The following CRY1 variants were observed in gnomAD, a reference collection of about 807,000 sequenced individuals.
CRY1 encodes the protein cryptochrome-1.
A neutral mutation model predicts 76.0 loss-of-function variants in CRY1; 45 were observed. The ratio of observed to expected loss-of-function variants is 0.59; its 90% confidence interval spans 0.47 to 0.76. CRY1 has a LOEUF of 0.76. CRY1 is among the 30% of genes least tolerant of loss of function. The pLI is 0.00. For synonymous variants in CRY1, 248 were observed against 244.0 expected (o/e 1.02, Z -0.15); for missense variants, 587 against 716.4 (o/e 0.82, Z 2.06).
intron 2 of CRY1, among the ~76,000 whole-genome samples, chr12:107,019,668 T>A (rs1455637681): frequency 6.6e-6 from 1 of 152,148 alleles, no homozygotes; most frequent in Non-Finnish European, 1.5e-5. Context: ...CTACAGCTTA[T>A]GCCTGTAATC....
intron 1 of CRY1, among the ~76,000 whole-genome samples, chr12:107,049,585 C>T (rs1952893335): frequency 6.6e-6 from 1 of 152,100 alleles, no homozygotes; most frequent in Admixed American, 6.6e-5. Context: ...ACCATGTTGG[C>T]CAGCCTGGTC....
chr12:106,998,141 A>G, intron 7 of CRY1, 75 bp from the exon 8 acceptor site: 1 of 1,537,542 alleles, frequency 6.5e-7, no homozygotes, highest in Non-Finnish European at 8.8e-7. Flanking sequence ...GTCACAGTAG[A>G]GCCAAAGTCA....
In CRY1 at chr12:107,058,716, C is replaced by A. The variant is rs141995831; in HGVS notation, c.158+34088G>T. On this transcript the variant is annotated intron_variant, in intron 1 of 12. Coordinates refer to ENST00000008527, the MANE Select transcript of CRY1 (RefSeq NM_004075.5). ...ATGGCAAAGTAAATGATGCTTTTTG[C>A]GAAGACAGAAAATTCTGAATGTTGA... 2.9e-3 allele frequency among the ~76,000 whole-genome samples: 447 copies of A among 152,076 alleles called. 2 individuals are homozygous for A. The highest frequency in any genetic ancestry group is 6.8e-3 in the Middle Eastern group (2 of 294).
At chr12:107,007,515 G>A (rs1191169732) in intron 2 of CRY1, among the ~76,000 whole-genome samples, 2 of 151,734 alleles carry the variant, frequency 1.3e-5, no homozygotes, top group Non-Finnish European at 2.9e-5. Flanking sequence ...ATGAATGACA[G>A]GAACTCTTTT....
In CRY1 at chr12:107,022,161, C is replaced by T. The variant is rs747384061; in HGVS notation, c.190G>A (p.Ala64Thr). 1.2e-6 allele frequency: 2 copies of T among 1,601,602 alleles called. No homozygotes were observed. Among genetic ancestry groups the T allele is most frequent in the Non-Finnish European group, 1.7e-6 (2 of 1,173,570 alleles). The change falls in exon 2 of 13, where the codon GCC (alanine) becomes ACC (threonine). Residue 64 changes from alanine to threonine, a missense_variant. Physicochemically the swap from Ala to Thr is moderately conservative, Grantham distance 58. Coordinates refer to ENST00000008527, the MANE Select transcript of CRY1 (RefSeq NM_004075.5). ...CGGGAGTTTAATTTTCGTAGATTGG[C>T]ATCAAGATCCTCAAGACACTGAAGC... The part of the protein sequence containing the change: ...FLLQCLEDLD[A>T]NLRKLNSRLF...
At chr12:107,038,957 C>T (rs1952767092) in intron 1 of CRY1, among the ~76,000 whole-genome samples, 1 of 152,094 alleles carries the variant, frequency 6.6e-6, no homozygotes, top group African/African-American at 2.4e-5. Context: ...AGACTAGCAT[C>T]TGTATCATTC....
rs563468930 is a variant in CRY1 at position 107,071,451 on chromosome 12, A to G, written c.158+21353T>C. On this transcript the variant is annotated intron_variant, in intron 1 of 12. Transcript: ENST00000008527. Reference sequence around the variant, plus strand: ...TGAATGTAGGATATACATTTAAAATATGCTTCTGTATCCTATTTGATAATT... The same window carrying G: ...TGAATGTAGGATATACATTTAAAATGTGCTTCTGTATCCTATTTGATAATT... 1.7e-4 allele frequency among the ~76,000 whole-genome samples: 26 copies of G among 152,310 alleles called. 1 individual carries two copies. The South Asian group carries it at 5.2e-3, about 30-fold the overall frequency.
At chr12:107,014,004 A>C (rs976572788) in intron 2 of CRY1, among the ~76,000 whole-genome samples, 2 of 152,220 alleles carry the variant, frequency 1.3e-5, no homozygotes, top group Admixed American at 6.5e-5. Context: ...AATTGCAGAA[A>C]GCAGCTGCCA....
At chr12:107,045,152 A>G (rs1431953440) in intron 1 of CRY1, among the ~76,000 whole-genome samples, 1 of 152,186 alleles carries the variant, frequency 6.6e-6, no homozygotes, top group Non-Finnish European at 1.5e-5. Flanking sequence ...TATAAAAGGA[A>G]ATCTCCATTA....
chr12:107,035,760 G>A (rs977589897), intron 1 of CRY1, among the ~76,000 whole-genome samples: 2 of 152,174 alleles, frequency 1.3e-5, no homozygotes, highest in African/African-American at 4.8e-5. Context: ...ATAATTTTAT[G>A]CAAAGCAGTC....
At chr12:107,071,690 A>G (rs1302250511) in intron 1 of CRY1, among the ~76,000 whole-genome samples, 1 of 152,208 alleles carries the variant, frequency 6.6e-6, no homozygotes, top group Non-Finnish European at 1.5e-5. Flanking sequence ...AGCAAGTCGA[A>G]GAAAGAAAAA....
intron 1 of CRY1, among the ~76,000 whole-genome samples, chr12:107,066,696 G>A (rs973435393): frequency 1.3e-5 from 2 of 152,052 alleles, no homozygotes; most frequent in Non-Finnish European, 2.9e-5. Context: ...GAACTCCTGA[G>A]CTCAACATCC....
At chr12:107,055,796 G>A (rs1194394736) in intron 1 of CRY1, among the ~76,000 whole-genome samples, 1 of 151,754 alleles carries the variant, frequency 6.6e-6, no homozygotes, top group African/African-American at 2.4e-5. Context: ...AATGGCTTGA[G>A]TGTAGGAGAC....
intron 10 of CRY1, among the ~76,000 whole-genome samples, chr12:106,995,300 T>C (rs1952222098): frequency 1.3e-5 from 2 of 152,200 alleles, no homozygotes; most frequent in African/African-American, 4.8e-5. Context: ...CCAAAACTAA[T>C]TCTTGGAGGA....
intron 1 of CRY1, among the ~76,000 whole-genome samples, chr12:107,090,096 CT>C (rs539057956): frequency 3.2e-4 from 47 of 146,166 alleles, no homozygotes; most frequent in Non-Finnish European, 2.4e-4. Flanking sequence ...TTTTCTTTTT[CT>C]TTTTTTTTTT....
At chr12:107,082,257 C>CTTT (rs1331238088) in intron 1 of CRY1, among the ~76,000 whole-genome samples, 2 of 151,970 alleles carry the variant, frequency 1.3e-5, no homozygotes, top group South Asian at 2.1e-4. Flanking sequence ...TAGTGGGAGA[C>CTTT]TTTAACACCC....
intron 5 of CRY1, 106 bp downstream of exon 5, chr12:107,001,174 C>G: frequency 1.3e-6 from 1 of 783,560 alleles, no homozygotes; most frequent in Non-Finnish European, 2.1e-6. Context: ...TTCTGTTAAT[C>G]CTCCCCTTTC....
chr12:107,029,947 A>C (rs1952657819), intron 1 of CRY1, among the ~76,000 whole-genome samples: 1 of 152,162 alleles, frequency 6.6e-6, no homozygotes, highest in Admixed American at 6.5e-5. Context: ...GGAGCGGCTT[A>C]GGCAAAAATT....
intron 1 of CRY1, among the ~76,000 whole-genome samples, chr12:107,062,089 C>T (rs1036381211): frequency 2.7e-5 from 4 of 150,808 alleles, no homozygotes; most frequent in Admixed American, 1.3e-4. Flanking sequence ...TTATCTTATC[C>T]TCAACATTCA....
Sources: gnomAD v4.1 joint callset for allele counts (sites outside exome capture counted in the v4.1 genomes callset) on GRCh38, gnomAD v4.1.1 for gene constraint, MANE v1.5 for transcripts, NCBI Gene and HGNC (gene_info 2026-07-23, HGNC 2026-07-21) for gene names.